Variants in ACSM1 observed in about 807,000 individuals in gnomAD.
ACSM1 encodes the protein acyl-coenzyme A synthetase ACSM1, mitochondrial.
Under a neutral mutation model 75.8 loss-of-function variants are expected in ACSM1, and 79 were observed. That is an observed-to-expected ratio of 1.04 (90% CI 0.87 to 1.26). The LOEUF is 1.26. Ranked by LOEUF, ACSM1 falls within the 50% of genes most tolerant of loss-of-function variation. ACSM1 has a pLI of 0.00. For synonymous variants in ACSM1, 279 were observed against 265.8 expected (o/e 1.05, Z -0.48); for missense variants, 676 against 720.1 (o/e 0.94, Z 0.70).
intron 10 of ACSM1, among the ~76,000 whole-genome samples, chr16:20,631,308 A>C (rs1043948039): frequency 6.6e-6 from 1 of 152,214 alleles, no homozygotes; most frequent in Non-Finnish European, 1.5e-5. Context: ...GGAAATGCAA[A>C]TTAAAACCAC....
intron 8 of ACSM1, among the ~76,000 whole-genome samples, chr16:20,638,400 A>G (rs903986460): frequency 4.6e-5 from 7 of 152,218 alleles, no homozygotes; most frequent in Admixed American, 6.5e-5. Context: ...TGCAGCCCAC[A>G]GGGCATTATA....
At chr16:20,625,275 C>T (rs1447006909) in intron 12 of ACSM1, 148 bp downstream of exon 12, 3 of 707,716 alleles carry the variant, frequency 4.2e-6, no homozygotes, top group Non-Finnish European at 7.0e-6. Context: ...ACAGAGAGTC[C>T]ACACTGTCCC....
chr16:20,669,986 A>G lies in ACSM1; in HGVS notation c.753T>C (p.Ser251=). 6.2e-7 allele frequency: 1 copy of G among 1,613,418 alleles called. No individual in the cohort carries two copies. The highest frequency in any genetic ancestry group is 8.5e-7 in the Non-Finnish European group (1 of 1,179,728). The change falls in exon 6 of 14, where the codon AGT becomes AGC. Residue 251 remains serine, a splice_region_variant and synonymous_variant. Transcript: ENST00000520010. ...ATGTCTTCAGGCTCCGTAATTTCCT[A>G]CTAACTCCAAAATGCAGTGGCCTCA... The part of the protein sequence containing the change: ...GLALQPSFPG[S]RKLRSLKTSD...
intron 8 of ACSM1, among the ~76,000 whole-genome samples, chr16:20,638,672 A>G (rs557981133): frequency 6.6e-6 from 1 of 152,342 alleles, no homozygotes; most frequent in South Asian, 2.1e-4. Flanking sequence ...GTGAGAAAGC[A>G]TACATAATAT....
At chr16:20,636,644 A>C in intron 10 of ACSM1, 95 bp downstream of exon 10, 1 of 843,412 alleles carries the variant, frequency 1.2e-6, no homozygotes, top group Non-Finnish European at 2.0e-6. Flanking sequence ...TCATTGAGTT[A>C]GAGCAAATAA....
chr16:20,690,307 T>C (rs541252870), intron 2 of ACSM1, among the ~76,000 whole-genome samples: 1 of 152,316 alleles, frequency 6.6e-6, no homozygotes, highest in East Asian at 1.9e-4. Flanking sequence ...ATAAATACCA[T>C]CCATTGTCTA....
intron 3 of ACSM1, among the ~76,000 whole-genome samples, chr16:20,684,439 A>G (rs980888881): frequency 6.6e-6 from 1 of 152,264 alleles, no homozygotes; most frequent in Non-Finnish European, 1.5e-5. Flanking sequence ...TGAAGAGGGA[A>G]CAAACTGACT....
intron 4 of ACSM1, among the ~76,000 whole-genome samples, chr16:20,678,248 C>T (rs2079353395): frequency 6.6e-6 from 1 of 151,814 alleles, no homozygotes; most frequent in Non-Finnish European, 1.5e-5. Context: ...AACGGTGGCC[C>T]CCAGATTTGT....
At chr16:20,680,617 C>T (rs1306686138) in intron 4 of ACSM1, 7 of 152,178 alleles carry the variant, frequency 4.6e-5, no homozygotes, top group East Asian at 3.8e-4. Context: ...CCGTATCGCC[C>T]GTTGGGGAAA....
At chr16:20,643,789 C>A (rs2018205130) in intron 7 of ACSM1, among the ~76,000 whole-genome samples, 1 of 152,288 alleles carries the variant, frequency 6.6e-6, no homozygotes, top group African/African-American at 2.4e-5. Flanking sequence ...ACAGAAAGTG[C>A]TGATTGGTGC....
At chr16:20,694,068 G>C (rs562086063) in intron 1 of ACSM1, among the ~76,000 whole-genome samples, 2 of 152,316 alleles carry the variant, frequency 1.3e-5, no homozygotes, top group Admixed American at 1.3e-4. Flanking sequence ...CAAGCATTAG[G>C]CCATAGCCTG....
At chr16:20,668,610 A>G (rs1483257604) in intron 6 of ACSM1, among the ~76,000 whole-genome samples, 1 of 152,154 alleles carries the variant, frequency 6.6e-6, no homozygotes, top group African/African-American at 2.4e-5. Context: ...GACCGAGAAG[A>G]CTAGACCCTA....
At chr16:20,686,471 C>T (rs754719296) in intron 2 of ACSM1, among the ~76,000 whole-genome samples, 7 of 152,084 alleles carry the variant, frequency 4.6e-5, no homozygotes, top group South Asian at 2.1e-4. Flanking sequence ...GCCAGTCTGA[C>T]GGGTCAGGGG....
chr16:20,678,011 A>AAAATAAATAAATAAATAAATAAATAAAT (rs146714630), intron 4 of ACSM1, among the ~76,000 whole-genome samples: 168 of 143,820 alleles, frequency 1.2e-3, no homozygotes, highest in East Asian at 3.3e-3. Context: ...ACTAAAGGCT[A>AAAATAAATAAATAAATAAATAAATAAAT]AAATAAATAA....
At position 20,661,852 on chromosome 16, in the gene ACSM1, T is replaced by G; in HGVS notation, c.934A>C (p.Asn312His). The G allele has an allele frequency of 6.2e-7, 1 of 1,607,576 alleles. No individual in the cohort carries two copies. The highest frequency in any genetic ancestry group is 8.5e-7 in the Non-Finnish European group (1 of 1,175,224). The change falls in exon 7 of 14, where the codon AAC (asparagine) becomes CAC (histidine). Residue 312 changes from asparagine to histidine, a missense_variant. Physicochemically the swap from Asn to His is moderately conservative, Grantham distance 68. Coordinates refer to ENST00000520010, the MANE Select transcript of ACSM1 (RefSeq NM_001318890.3). ...IIQTLLKYPI[N>H]HFWGVSSIYR... ...ATAGATGATACCCCCCAAAAGTGGT[T>G]AATGGGGTATTTCAACAATGTCTGG...
intron 7 of ACSM1, among the ~76,000 whole-genome samples, chr16:20,657,981 C>T (rs1446815918): frequency 1.3e-5 from 2 of 152,112 alleles, no homozygotes; most frequent in Admixed American, 1.3e-4. Context: ...TGTATATGTG[C>T]CACATTTTCA....
At chr16:20,696,199 A>G (rs781493103) in intron 1 of ACSM1, among the ~76,000 whole-genome samples, 1 of 152,204 alleles carries the variant, frequency 6.6e-6, no homozygotes, top group African/African-American at 2.4e-5. Context: ...ATAATAACAA[A>G]ATCACCTAAC....
chr16:20,624,280 T>C, intron 12 of ACSM1, 65 bp from the exon 13 acceptor site: 8 of 1,510,272 alleles, frequency 5.3e-6, no homozygotes, highest in South Asian at 1.3e-5. Flanking sequence ...AAAGTCAATG[T>C]TTATTGAATG....
chr16:20,692,590 T>C (rs972694525), intron 1 of ACSM1, among the ~76,000 whole-genome samples: 5 of 152,196 alleles, frequency 3.3e-5, no homozygotes, highest in African/African-American at 1.2e-4. Context: ...TGGCTCTTAG[T>C]TGATTGTCTC....
Sources: allele counts gnomAD v4.1 joint callset (sites outside exome capture counted in the v4.1 genomes callset), GRCh38; gene constraint gnomAD v4.1.1; transcripts MANE v1.5; gene names NCBI Gene and HGNC (gene_info 2026-07-23, HGNC 2026-07-21).